USP25: variants seen among roughly 807,000 people sequenced by gnomAD.
The protein encoded by USP25 is ubiquitin carboxyl-terminal hydrolase 25.
In USP25, 85 loss-of-function variants were observed where a neutral mutation model predicts 158.5. The ratio of observed to expected loss-of-function variants is 0.54; its 90% CI spans 0.45 to 0.64. The LOEUF (loss-of-function observed/expected upper bound fraction) is 0.64, where lower values mean the gene tolerates loss of function less well. Among genes scored for constraint, USP25 ranks in the 30% least tolerant of loss-of-function variants. The pLI, the probability that USP25 is intolerant of heterozygous loss-of-function variation, is 0.00. For synonymous variants in USP25, 464 were observed against 460.4 expected, an observed-to-expected ratio of 1.01 and a Z score of -0.10; for missense variants, 1,242 against 1,327.3, an observed-to-expected ratio of 0.94 and a Z score of 1.00.
intron 5 of USP25, among the ~76,000 whole-genome samples, chr21:15,795,538 A>C (rs2035818902): frequency 6.6e-6 from 1 of 151,504 alleles, no homozygotes; most frequent in Non-Finnish European, 1.5e-5. Flanking sequence ...TTGTGGTTTA[A>C]GCATGATCAC....
rs2037795806 is a variant in USP25 at position 15,831,408 on chromosome 21, A to G, written c.1772A>G (p.Tyr591Cys). 9 of 1,613,798 alleles carry G rather than the reference A, an allele frequency of 5.6e-6. No homozygotes were observed. In the East Asian group the frequency reaches 6.7e-5, roughly 12 times the overall value. The change falls in exon 16 of 26, where the codon TAT becomes TGT. Residue 591 changes from tyrosine to cysteine, a missense_variant. Coordinates refer to ENST00000400183, the MANE Select transcript of USP25 (RefSeq NM_001283041.3). ...YSDKSMIQVP[Y>C]RLHAVLVHEG... ...TCTTTTTTTCACATTTAGGTTCCTT[A>G]TCGATTACATGCCGTTTTAGTTCAC...
intron 1 of USP25, among the ~76,000 whole-genome samples, chr21:15,734,125 C>G (rs1457723628): frequency 6.6e-6 from 1 of 152,040 alleles, no homozygotes; most frequent in East Asian, 1.9e-4. Context: ...AAAAAAGAAA[C>G]AGTATAGAAT....
At chr21:15,821,401 C>G (rs1009699319) in intron 10 of USP25, among the ~76,000 whole-genome samples, 1 of 151,852 alleles carries the variant, frequency 6.6e-6, no homozygotes, top group Non-Finnish European at 1.5e-5. Context: ...TATAAATACC[C>G]TTGCGCACTT....
chr21:15,877,222 C>T (rs759491134), intron 24 of USP25: 1 of 152,238 alleles, frequency 6.6e-6, no homozygotes, highest in African/African-American at 2.4e-5. Context: ...ATCCTTGTAC[C>T]AAATTGTAAG....
At position 15,805,161 on chromosome 21, in the gene USP25, T is replaced by TA. The variant is rs1323059534; in HGVS notation, c.684dup (p.Phe229IlefsTer13). 2 of 1,607,836 alleles carry TA rather than the reference T, an allele frequency of 1.2e-6. No homozygotes were observed. Among genetic ancestry groups the TA allele is most frequent in the East Asian group, 4.5e-5 (2 of 44,466 alleles). On this transcript the variant is annotated frameshift_variant, in exon 7 of 26. Coordinates refer to ENST00000400183, the MANE Select transcript of USP25 (RefSeq NM_001283041.3). LOFTEE classifies it high-confidence loss of function. ...CCTTTTATGCGTGAGCTGAGGTATCTATTTGCACTTCTTGTTGGTACCAAA... is the reference window on the plus strand; with the variant it reads ...CCTTTTATGCGTGAGCTGAGGTATCTAATTTGCACTTCTTGTTGGTACCAAA...
At chr21:15,869,832 ATT>A (rs2039811070) in intron 22 of USP25, among the ~76,000 whole-genome samples, 1 of 152,076 alleles carries the variant, frequency 6.6e-6, no homozygotes, top group Non-Finnish European at 1.5e-5. Context: ...TAAAATCTTT[ATT>A]GTTTAAAACA....
intron 2 of USP25, 61 bp from the exon 3 acceptor site, chr21:15,765,936 A>C (rs2034015243): frequency 6.5e-7 from 1 of 1,536,640 alleles, no homozygotes; most frequent in Non-Finnish European, 8.8e-7. Flanking sequence ...ATATTGTATA[A>C]CTTTTTTTGA....
chr21:15,731,636 T>C (rs1452621681), intron 1 of USP25, among the ~76,000 whole-genome samples: 1 of 152,230 alleles, frequency 6.6e-6, no homozygotes, highest in Non-Finnish European at 1.5e-5. Flanking sequence ...GCATTGTTAT[T>C]TTAGGCACGT....
At chr21:15,863,613 T>G (rs1197441258) in intron 20 of USP25, among the ~76,000 whole-genome samples, 1 of 152,230 alleles carries the variant, frequency 6.6e-6, no homozygotes, top group African/African-American at 2.4e-5. Flanking sequence ...CTCCATCTTA[T>G]GATGTCTGTG....
rs750052962 is a variant in USP25 at position 15,850,553 on chromosome 21, G to GT, written c.2547+694dup. ...ATTTACATTAACTGAAAATCTTCAA[G>GT]TTTTTTTTTTTTTCACTCTTTTCAA... On this transcript the variant is annotated intron_variant, in intron 20 of 25. Coordinates refer to ENST00000400183, the MANE Select transcript of USP25 (RefSeq NM_001283041.3). 1.0e-2 allele frequency among the ~76,000 whole-genome samples: 1,411 copies of GT among 141,222 alleles called. 8 individuals are homozygous for GT. Among genetic ancestry groups the GT allele is most frequent in the African/African-American group, 0.027 (1,067 of 38,906 alleles). 92.6% of individuals were successfully genotyped at this position (141,222 alleles called of 152,430 possible).
chr21:15,781,088 A>G (rs951253713), intron 4 of USP25, among the ~76,000 whole-genome samples: 1 of 152,202 alleles, frequency 6.6e-6, no homozygotes, highest in Non-Finnish European at 1.5e-5. Context: ...TGTAACTTGA[A>G]AAAGTATCAG....
At chr21:15,834,315 G>A (rs2037954393) in intron 17 of USP25, among the ~76,000 whole-genome samples, 1 of 152,056 alleles carries the variant, frequency 6.6e-6, no homozygotes, top group African/African-American at 2.4e-5. Flanking sequence ...ATATGTTTTA[G>A]GGCAACATGT....
chr21:15,859,679 A>G (rs998509710), intron 20 of USP25, among the ~76,000 whole-genome samples: 1 of 152,134 alleles, frequency 6.6e-6, no homozygotes, highest in Non-Finnish European at 1.5e-5. Context: ...CTCTGAAAGC[A>G]GTTCTGGTAG....
intron 17 of USP25, among the ~76,000 whole-genome samples, chr21:15,841,677 A>G (rs967710762): frequency 6.6e-6 from 1 of 152,082 alleles, no homozygotes; most frequent in East Asian, 1.9e-4. Flanking sequence ...TATATATATG[A>G]TTATTTGGTT....
chr21:15,739,729 A>G (rs143134469), intron 1 of USP25, among the ~76,000 whole-genome samples: 1 of 152,172 alleles, frequency 6.6e-6, no homozygotes, highest in Admixed American at 6.5e-5. Context: ...TTTTCCTACA[A>G]TATAATCACT....
intron 4 of USP25, among the ~76,000 whole-genome samples, chr21:15,790,558 C>A (rs553417083): frequency 6.6e-6 from 1 of 151,504 alleles, no homozygotes; most frequent in South Asian, 2.1e-4. Context: ...TTGAAAAAAA[C>A]TAATCTTTAC....
intron 20 of USP25, among the ~76,000 whole-genome samples, chr21:15,862,357 G>A (rs973395206): frequency 2.0e-5 from 3 of 151,970 alleles, no homozygotes; most frequent in Non-Finnish European, 4.4e-5. Context: ...TGCTCAACCA[G>A]CATAATGCAA....
At chr21:15,730,551 C>T (rs1778328149) in intron 1 of USP25, 113 bp downstream of exon 1, 1 of 1,173,444 alleles carries the variant, frequency 8.5e-7, no homozygotes, top group Non-Finnish European at 1.1e-6. Flanking sequence ...GGCTTCCTCC[C>T]CGGTCACCCC....
At chr21:15,874,343 C>T in intron 23 of USP25, 60 bp from the exon 24 acceptor site, 1 of 1,410,158 alleles carries the variant, frequency 7.1e-7, no homozygotes, top group Non-Finnish European at 9.7e-7. Context: ...ATAATTATAG[C>T]TGACTTTGTT....
Sources: allele counts gnomAD v4.1 joint callset (sites outside exome capture counted in the v4.1 genomes callset), GRCh38; gene constraint gnomAD v4.1.1; transcripts MANE v1.5; gene names NCBI Gene and HGNC (gene_info 2026-07-23, HGNC 2026-07-21).